Variants in SDK1 observed in about 807,000 individuals in gnomAD.
SDK1 encodes protein sidekick-1.
A neutral mutation model predicts 245.5 loss-of-function variants in SDK1; 157 were observed. The observed-to-expected ratio is 0.64, with a 90% CI of 0.56 to 0.73. The LOEUF is 0.73. Ranked by LOEUF, SDK1 falls within the 30% of genes least tolerant of loss-of-function variation. The pLI is 0.00. For missense variants in SDK1, 3,583 were observed against 3,002.3 expected (o/e 1.19, Z -4.52); for synonymous variants, 1,647 against 1,278.5 (o/e 1.29, Z -6.15).
intron 1 of SDK1, among the ~76,000 whole-genome samples, chr7:3,578,004 T>C (rs1184418489): frequency 6.6e-6 from 1 of 152,038 alleles, no homozygotes; most frequent in East Asian, 1.9e-4. Flanking sequence ...CAACTTACAG[T>C]GAGAGAGGTG....
At chr7:4,200,111 A>G (rs866441558) in intron 35 of SDK1, among the ~76,000 whole-genome samples, 2 of 152,168 alleles carry the variant, frequency 1.3e-5, no homozygotes, top group East Asian at 1.9e-4. Flanking sequence ...CCACAAAAAA[A>G]GGCCAGGAGC....
At chr7:3,504,714 A>T (rs935526787) in intron 1 of SDK1, among the ~76,000 whole-genome samples, 6 of 152,058 alleles carry the variant, frequency 3.9e-5, no homozygotes, top group Non-Finnish European at 5.9e-5. Context: ...ATTGGAGTAA[A>T]TCTTCATTAC....
intron 42 of SDK1, 28 bp from the exon 43 acceptor site, chr7:4,241,765 C>T: frequency 6.2e-7 from 1 of 1,613,726 alleles, no homozygotes; most frequent in Non-Finnish European, 8.5e-7. Context: ...AGTAACACGT[C>T]TGTTCTCACT....
chr7:3,361,989 G>A (rs952024705), intron 1 of SDK1, among the ~76,000 whole-genome samples: 5 of 152,110 alleles, frequency 3.3e-5, no homozygotes, highest in Admixed American at 6.5e-5. Context: ...TTGGTACCAC[G>A]CTTTATTGCA....
chr7:4,185,916 C>T (rs1036562098), intron 35 of SDK1, among the ~76,000 whole-genome samples: 5 of 151,956 alleles, frequency 3.3e-5, no homozygotes, highest in African/African-American at 4.8e-5. Context: ...CCCAGGCCAC[C>T]GGCCCAGAAG....
chr7:3,728,192 G>C (rs575364486), intron 4 of SDK1, among the ~76,000 whole-genome samples: 2 of 152,188 alleles, frequency 1.3e-5, no homozygotes, highest in African/African-American at 4.8e-5. Context: ...CTTGATCACC[G>C]CTGAGGTAGT....
At chr7:4,158,686 A>C (rs1278308904) in intron 31 of SDK1, 135 bp downstream of exon 31, 4 of 634,030 alleles carry the variant, frequency 6.3e-6, no homozygotes, top group Non-Finnish European at 1.1e-5. Context: ...CATTAGTGAC[A>C]GACAGCTCGG....
chr7:3,404,788 T>A (rs972511652), intron 1 of SDK1, among the ~76,000 whole-genome samples: 1 of 152,194 alleles, frequency 6.6e-6, no homozygotes, highest in Non-Finnish European at 1.5e-5. Flanking sequence ...TTAACAGATG[T>A]GTTTTGGTTG....
At chr7:3,613,618 G>C (rs577167677) in intron 1 of SDK1, among the ~76,000 whole-genome samples, 2 of 152,238 alleles carry the variant, frequency 1.3e-5, no homozygotes, top group East Asian at 1.9e-4. Flanking sequence ...AATACCGTTT[G>C]ACCCAGCAAT....
intron 4 of SDK1, among the ~76,000 whole-genome samples, chr7:3,665,130 T>C (rs1407241618): frequency 6.6e-6 from 1 of 152,122 alleles, no homozygotes; most frequent in African/African-American, 2.4e-5. Context: ...TGAAACCTCG[T>C]AGATGGGCCC....
chr7:4,043,481 C>T (rs1449980046), intron 17 of SDK1, among the ~76,000 whole-genome samples: 2 of 152,148 alleles, frequency 1.3e-5, no homozygotes, highest in African/African-American at 4.8e-5. Flanking sequence ...GCCAGGGGCT[C>T]AGGTAGAGTG....
chr7:3,328,112 TC>T (rs1779979641), intron 1 of SDK1, among the ~76,000 whole-genome samples: 1 of 152,198 alleles, frequency 6.6e-6, no homozygotes, highest in Admixed American at 6.5e-5. Flanking sequence ...TGTTTAACTT[TC>T]TGCCCGAAGA....
chr7:3,912,841 G>A (rs1779224191), intron 5 of SDK1, among the ~76,000 whole-genome samples: 1 of 152,150 alleles, frequency 6.6e-6, no homozygotes, highest in Non-Finnish European at 1.5e-5. Context: ...ACATGGACTT[G>A]CTTGAAAAAG....
chr7:3,745,556 A>G (rs1208468606), intron 4 of SDK1, among the ~76,000 whole-genome samples: 4 of 152,020 alleles, frequency 2.6e-5, no homozygotes, highest in Non-Finnish European at 5.9e-5. Flanking sequence ...GTGTGTGTAA[A>G]TAATTCTAAA....
chr7:4,074,860 C>T (rs142115977), intron 20 of SDK1, among the ~76,000 whole-genome samples: 1,154 of 62,090 alleles, frequency 0.019, 3 homozygotes, highest in African/African-American at 0.026. Context: ...AAGACTTTCT[C>T]TCTCTCTCTC....
intron 5 of SDK1, among the ~76,000 whole-genome samples, chr7:3,844,025 C>T (rs890902133): frequency 2.3e-4 from 35 of 152,132 alleles, no homozygotes; most frequent in African/African-American, 8.5e-4. Context: ...GGCTGGAGTA[C>T]AGTGGTGTGA....
intron 44 of SDK1, among the ~76,000 whole-genome samples, chr7:4,251,049 G>A (rs562502793): frequency 2.3e-4 from 35 of 152,164 alleles, no homozygotes; most frequent in African/African-American, 8.0e-4. Context: ...TTTGTGATTG[G>A]CTTATTTCAT....
At position 3,934,431 on chromosome 7, in the gene SDK1, C is replaced by A. The variant is rs1030928779; in HGVS notation, c.848-16492C>A. On this transcript the variant is annotated intron_variant, in intron 5 of 44. Coordinates refer to ENST00000404826, the MANE Select transcript of SDK1 (RefSeq NM_152744.4). ...GAATCACAGGCTATGCAAAGAACAT[C>A]TGATTATCAGCGGACTGGAGCCCAG... Among the ~76,000 whole-genome samples the A allele has an allele frequency of 3.3e-5, 5 of 152,348 alleles. No homozygotes were observed. In the East Asian group the frequency reaches 7.7e-4, roughly 24 times the overall value.
At chr7:3,978,088 A>G (rs1438701192) in intron 13 of SDK1, among the ~76,000 whole-genome samples, 10 of 146,130 alleles carry the variant, frequency 6.8e-5, no homozygotes, top group Non-Finnish European at 1.5e-4. Context: ...CAGACAGAGG[A>G]TTTTTTTTTT....
Sources: gnomAD v4.1 joint callset for allele counts (sites outside exome capture counted in the v4.1 genomes callset) on GRCh38, gnomAD v4.1.1 for gene constraint, MANE v1.5 for transcripts, NCBI Gene and HGNC (gene_info 2026-07-23, HGNC 2026-07-21) for gene names.